Variants in AGBL4 observed in about 807,000 individuals in gnomAD.
AGBL4 encodes the protein AGBL carboxypeptidase 4.
Under a neutral mutation model 66.4 loss-of-function variants are expected in AGBL4, and 58 were observed. That is an observed-to-expected ratio of 0.87 (90% CI 0.71 to 1.09). AGBL4 has a LOEUF of 1.09. Among genes scored for constraint, AGBL4 ranks in the 50% least tolerant of loss-of-function variants. The pLI is 0.00. For missense variants in AGBL4, 579 were observed against 631.0 expected (o/e 0.92, Z 0.88); for synonymous variants, 234 against 222.9 (o/e 1.05, Z -0.44).
At chr1:49,428,615 A>G (rs1166573078) in intron 3 of AGBL4, among the ~76,000 whole-genome samples, 1 of 152,228 alleles carries the variant, frequency 6.6e-6, no homozygotes, top group Non-Finnish European at 1.5e-5. Context: ...ATCCTTCTCA[A>G]TTCTAAGATG....
At chr1:49,911,194 C>T (rs1017710665) in intron 1 of AGBL4, among the ~76,000 whole-genome samples, 2 of 151,976 alleles carry the variant, frequency 1.3e-5, no homozygotes, top group African/African-American at 2.4e-5. Context: ...TTGTATAGTG[C>T]CATAAAGAAA....
chr1:49,612,779 G>A (rs1387909295), intron 3 of AGBL4, among the ~76,000 whole-genome samples: 1 of 152,204 alleles, frequency 6.6e-6, no homozygotes, highest in African/African-American at 2.4e-5. Context: ...CTGCTGGTGG[G>A]AATGTAAATT....
chr1:48,947,926 C>T (rs1348612407), intron 5 of AGBL4, among the ~76,000 whole-genome samples: 1 of 150,664 alleles, frequency 6.6e-6, no homozygotes, highest in Non-Finnish European at 1.5e-5. Flanking sequence ...GAGTCTCACT[C>T]GTGACCCAGG....
chr1:49,255,049 C>G (rs1172381133), intron 3 of AGBL4, among the ~76,000 whole-genome samples: 1 of 152,084 alleles, frequency 6.6e-6, no homozygotes, highest in African/African-American at 2.4e-5. Context: ...AAACTGAGAA[C>G]TATAAAAACC....
chr1:49,679,205 C>T (rs1646641212), intron 3 of AGBL4, among the ~76,000 whole-genome samples: 1 of 152,106 alleles, frequency 6.6e-6, no homozygotes, highest in Admixed American at 6.6e-5. Flanking sequence ...GCTTCAAATA[C>T]TTTTCAGCTT....
At chr1:49,581,418 T>A (rs1205924443) in intron 3 of AGBL4, among the ~76,000 whole-genome samples, 2 of 152,194 alleles carry the variant, frequency 1.3e-5, no homozygotes, top group African/African-American at 4.8e-5. Context: ...CCTCATTTTT[T>A]ATGTTTTTCC....
chr1:49,741,463 A>G (rs189850494), intron 2 of AGBL4, among the ~76,000 whole-genome samples: 2 of 152,344 alleles, frequency 1.3e-5, no homozygotes, highest in Admixed American at 6.5e-5. Context: ...GCTGAATTCT[A>G]TCAGAGGTAC....
At chr1:48,799,280 A>C (rs772882620) in intron 6 of AGBL4, among the ~76,000 whole-genome samples, 1 of 152,216 alleles carries the variant, frequency 6.6e-6, no homozygotes, top group South Asian at 2.1e-4. Flanking sequence ...TGAGTTCTTT[A>C]TGTGATTCTC....
At chr1:48,742,257 C>T (rs1451091802) in intron 6 of AGBL4, among the ~76,000 whole-genome samples, 2 of 152,124 alleles carry the variant, frequency 1.3e-5, no homozygotes, top group South Asian at 2.1e-4. Context: ...ATTTCCAGTT[C>T]ACCTGATAAA....
intron 5 of AGBL4, among the ~76,000 whole-genome samples, chr1:48,956,478 C>T (rs2148933751): frequency 6.6e-6 from 1 of 152,298 alleles, no homozygotes; most frequent in African/African-American, 2.4e-5. Context: ...AAAAGAACCT[C>T]ATACCTTTCT....
intron 3 of AGBL4, among the ~76,000 whole-genome samples, chr1:49,357,700 G>A (rs747367538): frequency 1.3e-5 from 2 of 152,100 alleles, no homozygotes; most frequent in Non-Finnish European, 2.9e-5. Context: ...ACCAATAAAT[G>A]GATGACCACT....
chr1:49,068,202 C>A (rs1022183552), intron 4 of AGBL4, among the ~76,000 whole-genome samples: 16 of 151,944 alleles, frequency 1.1e-4, no homozygotes, highest in Middle Eastern at 6.8e-3. Flanking sequence ...GGTTCATTTT[C>A]TTTTTTAATT....
intron 11 of AGBL4, among the ~76,000 whole-genome samples, chr1:48,566,233 A>G (rs964029117): frequency 2.6e-5 from 4 of 152,184 alleles, no homozygotes; most frequent in Admixed American, 2.6e-4. Context: ...TCACATGCTC[A>G]GTTCTGTCAC....
At chr1:49,327,572 T>A (rs1230385372) in intron 3 of AGBL4, among the ~76,000 whole-genome samples, 1 of 152,198 alleles carries the variant, frequency 6.6e-6, no homozygotes, top group East Asian at 1.9e-4. Flanking sequence ...GGCGCCTTGC[T>A]GCAGCATCCC....
intron 1 of AGBL4, among the ~76,000 whole-genome samples, chr1:49,968,478 C>G (rs1268375004): frequency 3.9e-5 from 6 of 152,154 alleles, no homozygotes; most frequent in African/African-American, 1.4e-4. Flanking sequence ...CAAAAACTAT[C>G]AACTCGCTTA....
intron 3 of AGBL4, among the ~76,000 whole-genome samples, chr1:49,579,661 A>G (rs1644503978): frequency 6.6e-6 from 1 of 151,960 alleles, no homozygotes; most frequent in Non-Finnish European, 1.5e-5. Context: ...CACCGTGCCC[A>G]GCTAATTTTT....
At chr1:49,174,582 C>T (rs577555229) in intron 4 of AGBL4, among the ~76,000 whole-genome samples, 10 of 152,150 alleles carry the variant, frequency 6.6e-5, no homozygotes, top group African/African-American at 2.4e-4. Flanking sequence ...TGTTTAGGAA[C>T]AGCCAACAGA....
chr1:49,125,321 G>T (rs928407441), intron 4 of AGBL4, among the ~76,000 whole-genome samples: 1 of 152,040 alleles, frequency 6.6e-6, no homozygotes, highest in Non-Finnish European at 1.5e-5. Context: ...GAGATGTAGG[G>T]TTTAATGTTT....
At chr1:49,964,032 T>C (rs1479943271) in intron 1 of AGBL4, among the ~76,000 whole-genome samples, 3 of 152,124 alleles carry the variant, frequency 2.0e-5, no homozygotes, top group Admixed American at 1.3e-4. Flanking sequence ...AAGAAAAGGC[T>C]AACTTCAAGG....
Sources: allele counts gnomAD v4.1 joint callset (sites outside exome capture counted in the v4.1 genomes callset), GRCh38; gene constraint gnomAD v4.1.1; transcripts MANE v1.5; gene names NCBI Gene and HGNC (gene_info 2026-07-23, HGNC 2026-07-21).